UBASH3B: variants seen among roughly 807,000 people sequenced by gnomAD.
The protein encoded by UBASH3B is ubiquitin-associated and SH3 domain-containing protein B.
In UBASH3B, 37 loss-of-function variants were observed where a neutral mutation model predicts 83.4. The observed-to-expected ratio is 0.44, with a 90% CI of 0.34 to 0.58. The LOEUF (loss-of-function observed/expected upper bound fraction) is 0.58. Among genes scored for constraint, UBASH3B ranks in the 20% least tolerant of loss-of-function variants. The pLI is 0.01. For synonymous variants in UBASH3B, 304 were observed against 318.3 expected (o/e 0.96, Z 0.48); for missense variants, 657 against 827.2 (o/e 0.79, Z 2.52).
chr11:122,804,985 A>G (rs568809756), intron 11 of UBASH3B, among the ~76,000 whole-genome samples: 1 of 152,196 alleles, frequency 6.6e-6, no homozygotes, highest in Non-Finnish European at 1.5e-5. Context: ...GAAGACATGC[A>G]GGGGCACCGG....
chr11:122,802,601 C>T (rs886727210), intron 11 of UBASH3B, among the ~76,000 whole-genome samples: 2 of 152,026 alleles, frequency 1.3e-5, no homozygotes, highest in South Asian at 2.1e-4. Flanking sequence ...ATTCTTTTTC[C>T]ATACTCATTT....
At chr11:122,802,604 A>G (rs531701033) in intron 11 of UBASH3B, among the ~76,000 whole-genome samples, 4 of 152,050 alleles carry the variant, frequency 2.6e-5, no homozygotes, top group Admixed American at 1.3e-4. Context: ...CTTTTTCCAT[A>G]CTCATTTTTT....
In UBASH3B at chr11:122,779,690, A is replaced by T; in HGVS notation, c.596A>T (p.Lys199Ile). The T allele has an allele frequency of 6.2e-7, 1 of 1,614,156 alleles. No homozygotes were observed. Among genetic ancestry groups the T allele is most frequent in the Non-Finnish European group, 8.5e-7 (1 of 1,180,024 alleles). Reference sequence around the variant, plus strand: ...GACTTTGCTGCAGAGGCTGCATCCAAAACCGGTGAGCAAACAGCTGCCAGG... The same window carrying T: ...GACTTTGCTGCAGAGGCTGCATCCATAACCGGTGAGCAAACAGCTGCCAGG... ...AADFAAEAASKTEVHVEPHKK... is the reference protein window; with the variant it reads ...AADFAAEAASITEVHVEPHKK... Residue 199 changes from lysine (K) to isoleucine (I), a missense_variant, in exon 4 of 14, where the codon AAA (lysine) becomes ATA (isoleucine). By Grantham distance (102) the Lys-to-Ile change is moderately radical. This residue lies in a region of UBASH3B where 573 missense variants were observed against 739.0 expected (regional missense o/e 0.78). Transcript: ENST00000284273.
rs1863351982 is a variant in UBASH3B at position 122,655,933 on chromosome 11, C to G, written c.-117C>G. The G allele has an allele frequency of 8.8e-7, 1 of 1,138,078 alleles. No individual in the cohort carries two copies. Among genetic ancestry groups the G allele is most frequent in the Non-Finnish European group, 1.2e-6 (1 of 860,918 alleles). 70.5% of individuals were successfully genotyped at this position (1,138,078 alleles called of 1,614,324 possible). On this transcript the variant is annotated 5_prime_UTR_variant, in exon 1 of 14. Coordinates refer to ENST00000284273, the MANE Select transcript of UBASH3B (RefSeq NM_032873.5). Reference sequence around the variant, plus strand: ...CTCGGAGCGCCGCCTCCGCTGCCGCCGCCTCCTGCCTGGCTCTGGGTCCCC... The same window carrying G: ...CTCGGAGCGCCGCCTCCGCTGCCGCGGCCTCCTGCCTGGCTCTGGGTCCCC...
rs1432748651 is a variant in UBASH3B, at chr11:122,783,191, T to A, written c.740T>A (p.Phe247Tyr). The stretch of plus-strand genomic sequence containing the variant: ...GGGTGTGACTGGGTGGCTACCATAT[T>A]TTCTCGGGATATCCGATTTGCTAAC... ...KLGCDWVATI[F>Y]SRDIRFANHE... is the part of the protein sequence containing the mutation. Residue 247 changes from phenylalanine to tyrosine, a missense_variant, in exon 5 of 14, where the codon TTT becomes TAT. Phe to Tyr is a conservative substitution (Grantham distance 22, BLOSUM62 3). Coordinates refer to ENST00000284273, the MANE Select transcript of UBASH3B (RefSeq NM_032873.5). 1 of 1,614,088 alleles carries A rather than the reference T, an allele frequency of 6.2e-7. No individual in the cohort carries two copies. The highest frequency in any genetic ancestry group is 1.1e-5 in the South Asian group (1 of 91,060).
At chr11:122,774,229 G>A in intron 1 of UBASH3B, 1 of 985,522 alleles carries the variant, frequency 1.0e-6, no homozygotes, top group Non-Finnish European at 1.2e-6. Flanking sequence ...CGGAGCAGAG[G>A]GGTCTGTCTT....
At chr11:122,657,590 C>T (rs1476966334) in intron 1 of UBASH3B, among the ~76,000 whole-genome samples, 1 of 152,136 alleles carries the variant, frequency 6.6e-6, no homozygotes, top group Non-Finnish European at 1.5e-5. Flanking sequence ...GTCTCCCCTC[C>T]CTTATCTCTG....
chr11:122,770,703 C>T (rs1860627621), intron 1 of UBASH3B, among the ~76,000 whole-genome samples: 2 of 152,108 alleles, frequency 1.3e-5, no homozygotes, highest in South Asian at 4.1e-4. Context: ...CTGTCACCCC[C>T]AGCCCCAACT....
chr11:122,795,825 A>C (rs1302651421), intron 7 of UBASH3B, among the ~76,000 whole-genome samples: 7 of 152,218 alleles, frequency 4.6e-5, no homozygotes, highest in Non-Finnish European at 1.5e-5. Flanking sequence ...CTCTCTCTAC[A>C]TGAATGGCTA....
At chr11:122,781,879 A>G in intron 4 of UBASH3B, among the ~76,000 whole-genome samples, 1 of 152,266 alleles carries the variant, frequency 6.6e-6, no homozygotes, top group Non-Finnish European at 1.5e-5. Context: ...ACCTTGTTTC[A>G]TGGGGCTTAC....
intron 1 of UBASH3B, among the ~76,000 whole-genome samples, chr11:122,740,537 T>C (rs985260002): frequency 1.3e-5 from 2 of 152,198 alleles, no homozygotes; most frequent in Non-Finnish European, 1.5e-5. Context: ...ACGGCAACCA[T>C]ATGAGGCAGT....
intron 1 of UBASH3B, among the ~76,000 whole-genome samples, chr11:122,666,103 C>T (rs1863512666): frequency 6.6e-6 from 1 of 152,214 alleles, no homozygotes; most frequent in South Asian, 2.1e-4. Flanking sequence ...AGGGGGAAGC[C>T]GACTGCACAG....
chr11:122,720,759 T>C (rs890603479), intron 1 of UBASH3B, among the ~76,000 whole-genome samples: 2 of 152,176 alleles, frequency 1.3e-5, no homozygotes, highest in African/African-American at 4.8e-5. Flanking sequence ...ATTCATTACC[T>C]TTATCTAATC....
chr11:122,668,845 T>C (rs569029039), intron 1 of UBASH3B, among the ~76,000 whole-genome samples: 2 of 152,270 alleles, frequency 1.3e-5, no homozygotes, highest in South Asian at 4.1e-4. Context: ...TGGTTTTGTG[T>C]GGTATTTAGT....
intron 1 of UBASH3B, among the ~76,000 whole-genome samples, chr11:122,755,227 C>T (rs908387285): frequency 1.3e-5 from 2 of 152,086 alleles, no homozygotes; most frequent in African/African-American, 2.4e-5. Context: ...TCACATTGCA[C>T]GTCACCAGGA....
intron 11 of UBASH3B, among the ~76,000 whole-genome samples, chr11:122,803,929 C>A (rs895282625): frequency 5.9e-5 from 9 of 152,008 alleles, no homozygotes; most frequent in Non-Finnish European, 8.8e-5. Context: ...GACCTGCTGA[C>A]AAGGGTGAGG....
intron 11 of UBASH3B, among the ~76,000 whole-genome samples, chr11:122,803,906 A>G (rs559578215): frequency 6.6e-6 from 1 of 152,164 alleles, no homozygotes; most frequent in South Asian, 2.1e-4. Context: ...AGGTGTGGCT[A>G]GCAGCATGAC....
chr11:122,676,204 A>G (rs1007325626), intron 1 of UBASH3B, among the ~76,000 whole-genome samples: 2 of 151,444 alleles, frequency 1.3e-5, no homozygotes, highest in Non-Finnish European at 2.9e-5. Flanking sequence ...GGAGTTCGAG[A>G]CCAGCCTGGG....
chr11:122,714,529 C>T (rs1860473886), intron 1 of UBASH3B, among the ~76,000 whole-genome samples: 1 of 152,214 alleles, frequency 6.6e-6, no homozygotes, highest in Non-Finnish European at 1.5e-5. Flanking sequence ...GGCCCAGAGG[C>T]AGCGGGGTAA....
Sources: gnomAD v4.1 joint callset for allele counts (sites outside exome capture counted in the v4.1 genomes callset) on GRCh38, gnomAD v4.1.1 for gene constraint, gnomAD v4.1.1 regional missense constraint, MANE v1.5 for transcripts, NCBI Gene and HGNC (gene_info 2026-07-23, HGNC 2026-07-21) for gene names.